Variants in AZIN1 observed in about 807,000 individuals in gnomAD.
AZIN1 encodes the protein ornithine decarboxylase antizyme inhibitor.
Under a neutral mutation model 47.4 loss-of-function variants are expected in AZIN1, and 12 were observed. The observed-to-expected ratio is 0.25, with a 90% CI of 0.16 to 0.41. AZIN1 has a LOEUF of 0.41. Among genes scored for constraint, AZIN1 ranks in the 10% least tolerant of loss-of-function variants. The pLI is 1.00. For missense variants in AZIN1, 410 were observed against 532.4 expected, an observed-to-expected ratio of 0.77 and a Z score of 2.26; for synonymous variants, 155 against 176.3, an observed-to-expected ratio of 0.88 and a Z score of 0.96.
rs1811590131 is a variant in AZIN1 at position 102,833,294 on chromosome 8, CA to C, written c.742-77del. The stretch of plus-strand genomic sequence containing the variant: ...CGCAATATTCAGAGATTGATATTAA[CA>C]AAATTTTCTAGGAAAATGAAGCAGT... On this transcript the variant is annotated intron_variant, in intron 8 of 11. Transcript: ENST00000337198. 4.3e-6 allele frequency: 6 copies of C among 1,398,052 alleles called. No homozygotes were observed. In the Middle Eastern group the frequency reaches 5.6e-4, roughly 130 times the overall value. The allele number at this position is 1,398,052 out of a possible 1,614,324, so 86.6% of individuals were successfully genotyped here. A position where few individuals can be genotyped will look rare whatever the true frequency, so the allele number is the denominator to read the frequency against.
At position 102,839,576 on chromosome 8, in the gene AZIN1, T is replaced by C. The variant is rs537830191; in HGVS notation, c.276+74A>G. On this transcript the variant is annotated intron_variant, in intron 4 of 11. Coordinates refer to ENST00000337198, the MANE Select transcript of AZIN1 (RefSeq NM_148174.4). ...AAAAGTCAAACTTCCTTGCATTTGT[T>C]CTCTAACCGCTGTAACTACATTAAG... is the stretch of plus-strand genomic sequence containing the variant. 110 of 1,096,936 alleles carry C rather than the reference T, an allele frequency of 1.0e-4. 1 individual carries two copies. In the Middle Eastern group the frequency reaches 1.6e-3, roughly 16 times the overall value. 68.0% of individuals were successfully genotyped at this position (1,096,936 alleles called of 1,614,324 possible).
At chr8:102,834,137 A>T in intron 8 of AZIN1, 52 bp downstream of exon 8, 1 of 1,453,106 alleles carries the variant, frequency 6.9e-7, no homozygotes, top group Non-Finnish European at 9.6e-7. Context: ...TCCACCACTT[A>T]AGTAACAAAG....
At chr8:102,854,862 A>C (rs939189959) in intron 2 of AZIN1, among the ~76,000 whole-genome samples, 25 of 152,028 alleles carry the variant, frequency 1.6e-4, no homozygotes, top group African/African-American at 6.0e-4. Flanking sequence ...CCTTTTCCAT[A>C]CTGCACAACA....
At chr8:102,863,120 GA>G (rs1813832514) in intron 1 of AZIN1, among the ~76,000 whole-genome samples, 1 of 152,236 alleles carries the variant, frequency 6.6e-6, no homozygotes, top group Non-Finnish European at 1.5e-5. Context: ...GAGGCTTCCA[GA>G]AGGGGCCAAA....
At chr8:102,839,180 A>ATAAATAAATAAATAAAT (rs1332511741) in intron 4 of AZIN1, among the ~76,000 whole-genome samples, 1 of 152,140 alleles carries the variant, frequency 6.6e-6, no homozygotes, top group Non-Finnish European at 1.5e-5. Flanking sequence ...TTTTATTTAA[A>ATAAATAAATAAATAAAT]AACATAAATA....
chr8:102,845,221 G>A (rs1812498383), intron 2 of AZIN1, among the ~76,000 whole-genome samples: 1 of 151,868 alleles, frequency 6.6e-6, no homozygotes, highest in Non-Finnish European at 1.5e-5. Context: ...CATTTCGATG[G>A]TTCTTAAAAG....
At chr8:102,838,664 C>A in intron 5 of AZIN1, 80 bp downstream of exon 5, 2 of 1,180,196 alleles carry the variant, frequency 1.7e-6, no homozygotes, top group African/African-American at 1.5e-5. Context: ...ACCACAAATG[C>A]TCCTTTCTTC....
At chr8:102,851,616 G>C (rs1385314723) in intron 2 of AZIN1, among the ~76,000 whole-genome samples, 1 of 152,142 alleles carries the variant, frequency 6.6e-6, no homozygotes, top group Non-Finnish European at 1.5e-5. Context: ...TGAGGCAGGA[G>C]AATCGCTTGA....
chr8:102,834,837 T>A, intron 6 of AZIN1, 90 bp from the exon 7 acceptor site: 1 of 793,374 alleles, frequency 1.3e-6, no homozygotes, highest in Non-Finnish European at 2.1e-6. Context: ...ATCATATTCA[T>A]ACCATTAAGT....
intron 11 of AZIN1, among the ~76,000 whole-genome samples, chr8:102,829,028 T>C (rs1034240000): frequency 6.6e-6 from 1 of 152,250 alleles, no homozygotes; most frequent in African/African-American, 2.4e-5. Flanking sequence ...AGTAACATGC[T>C]GTACAGGTTT....
At chr8:102,830,167 C>T (rs908434174) in intron 9 of AZIN1, 4 of 337,118 alleles carry the variant, frequency 1.2e-5, no homozygotes, top group African/African-American at 6.5e-5. Context: ...GGGAGGATCA[C>T]TTGAGGTCAG....
intron 2 of AZIN1, among the ~76,000 whole-genome samples, chr8:102,855,210 C>T (rs1441533355): frequency 6.6e-6 from 1 of 152,154 alleles, no homozygotes; most frequent in African/African-American, 2.4e-5. Flanking sequence ...GCACCTGCCA[C>T]GACGCTCGAC....
chr8:102,836,911 T>TC (rs1811858069), intron 5 of AZIN1, among the ~76,000 whole-genome samples: 1 of 152,164 alleles, frequency 6.6e-6, no homozygotes, highest in Admixed American at 6.5e-5. Flanking sequence ...AATTTTTTTT[T>TC]CTTTTTTTTC....
intron 1 of AZIN1, among the ~76,000 whole-genome samples, chr8:102,863,573 G>A (rs1813897103): frequency 6.6e-6 from 1 of 150,454 alleles, no homozygotes. Context: ...CTCCGGCTCC[G>A]CCAAGCGTCC....
chr8:102,851,694 C>T (rs976622486), intron 2 of AZIN1, among the ~76,000 whole-genome samples: 1 of 151,998 alleles, frequency 6.6e-6, no homozygotes, highest in African/African-American at 2.4e-5. Flanking sequence ...GCAAGACTGT[C>T]TCAGAAAACA....
rs546640709 is a variant in AZIN1, at chr8:102,833,245, G to A, written c.742-27C>T. 3.8e-6 allele frequency: 6 copies of A among 1,589,976 alleles called. No individual in the cohort carries two copies. In the African/African-American group the frequency reaches 4.1e-5, roughly 11 times the overall value. On this transcript the variant is annotated intron_variant, in intron 8 of 11. Coordinates refer to ENST00000337198, the MANE Select transcript of AZIN1 (RefSeq NM_148174.4). ...TATGGATTTTAAATGCCACAGTATGGTTTCAATATTGGATTAGATAATTCG... is the reference window on the plus strand; with the variant it reads ...TATGGATTTTAAATGCCACAGTATGATTTCAATATTGGATTAGATAATTCG...
chr8:102,829,963 T>C (rs774637693), intron 9 of AZIN1, 27 bp from the exon 10 acceptor site: 4 of 1,416,292 alleles, frequency 2.8e-6, no homozygotes, highest in East Asian at 4.6e-5. Context: ...AAGGGGAAAA[T>C]GAATTTTTAA....
At chr8:102,852,203 G>A (rs7846320) in intron 2 of AZIN1, among the ~76,000 whole-genome samples, 4,055 of 152,248 alleles carry the variant, frequency 0.027, 65 homozygotes, top group Non-Finnish European at 0.039. Flanking sequence ...ACTTGTTTAG[G>A]AGATCTTTGC....
chr8:102,837,410 T>C (rs1811891072), intron 5 of AZIN1, among the ~76,000 whole-genome samples: 1 of 152,236 alleles, frequency 6.6e-6, no homozygotes, highest in Non-Finnish European at 1.5e-5. Flanking sequence ...CAAATTCTTT[T>C]TGTGTAACTG....
Sources: allele counts gnomAD v4.1 joint callset (sites outside exome capture counted in the v4.1 genomes callset), GRCh38; gene constraint gnomAD v4.1.1; transcripts MANE v1.5; gene names NCBI Gene and HGNC (gene_info 2026-07-23, HGNC 2026-07-21).